PDE8B: variants seen among roughly 807,000 people sequenced by gnomAD.
PDE8B encodes phosphodiesterase 8B, also known as high affinity cAMP-specific and IBMX-insensitive 3',5'-cyclic phosphodiesterase 8B.
Under a neutral mutation model 101.3 loss-of-function variants are expected in PDE8B, and 26 were observed. The ratio of observed to expected loss-of-function variants is 0.26; its 90% CI spans 0.19 to 0.36. The LOEUF is 0.36. PDE8B is among the 10% of genes least tolerant of loss of function. The probability of loss-of-function intolerance (pLI) is 1.00; values close to 1 mark genes in which losing one functional copy is unlikely to be tolerated. For synonymous variants in PDE8B, 424 were observed against 429.3 expected (o/e 0.99, Z 0.15); for missense variants, 810 against 1,163.1 (o/e 0.70, Z 4.42).
intron 10 of PDE8B, among the ~76,000 whole-genome samples, chr5:77,399,691 A>G (rs1791838814): frequency 6.6e-6 from 1 of 152,224 alleles, no homozygotes; most frequent in Admixed American, 6.5e-5. Context: ...AACCATTAAC[A>G]ACAAAAAAAA....
chr5:77,211,298 C>T lies in PDE8B; in HGVS notation c.339+34C>T, dbSNP rs1561350516. 3 of 1,516,196 alleles carry T rather than the reference C, an allele frequency of 2.0e-6. No individual in the cohort carries two copies. The highest frequency in any genetic ancestry group is 1.2e-5 in the South Asian group (1 of 82,264). The allele number at this position is 1,516,196 out of a possible 1,614,324, so 93.9% of individuals were successfully genotyped here. On this transcript the variant is annotated intron_variant, in intron 1 of 21. Transcript: ENST00000264917. This position sits in a 1 kb window ranked among gnomAD's most constrained non-coding sequence, Gnocchi z 4.1. ...CCCGCGCTGGCACACGCCGTGGGGG[C>T]CGTCCGCCCCGTCGGCGGGGCTCGC...
the PDE8B span, among the ~76,000 whole-genome samples, chr5:77,193,252 A>G: frequency 1.3e-5 from 2 of 152,062 alleles, no homozygotes; most frequent in African/African-American, 2.4e-5. Flanking sequence ...GCCTACCTCA[A>G]TTTCACAAAG....
chr5:77,116,342 C>T, the PDE8B span, among the ~76,000 whole-genome samples: 1 of 150,788 alleles, frequency 6.6e-6, no homozygotes, highest in Non-Finnish European at 1.5e-5. Context: ...AACAATTCTC[C>T]TGCCTCAGCC....
At chr5:77,275,589 T>C (rs1763695586) in intron 1 of PDE8B, among the ~76,000 whole-genome samples, 1 of 152,182 alleles carries the variant, frequency 6.6e-6, no homozygotes, top group Admixed American at 6.5e-5. Context: ...TCAACTAAAA[T>C]ACAACCAAAG....
At position 77,211,247 on chromosome 5, in the gene PDE8B, T is replaced by G. The variant is rs767958162; in HGVS notation, c.322T>G (p.Cys108Gly). The change falls in exon 1 of 22, where the codon TGC (cysteine) becomes GGC (glycine). Residue 108 changes from cysteine (C) to glycine (G), a missense_variant. By Grantham distance (159) the Cys-to-Gly change is radical. This residue lies in a region of PDE8B where 251 missense variants were observed against 378.8 expected (regional missense o/e 0.66). Transcript: ENST00000264917. The surrounding 1 kb of genome is among the most constrained non-coding windows in gnomAD (Gnocchi z 4.1). ...CAGCGCCGAGGCCGAGACTCAGACC[T>G]GCTACACCAGCGTGAAGGTAAATGC... ...CSSAEAETQT[C>G]YTSVKQVSSA... 6.3e-7 allele frequency: 1 copy of G among 1,575,740 alleles called. No individual in the cohort carries two copies. Among genetic ancestry groups the G allele is most frequent in the Non-Finnish European group, 8.6e-7 (1 of 1,169,204 alleles).
intron 20 of PDE8B, among the ~76,000 whole-genome samples, chr5:77,425,036 A>G (rs752405665): frequency 2.0e-5 from 3 of 152,188 alleles, no homozygotes; most frequent in South Asian, 4.1e-4. Flanking sequence ...TAATATAATG[A>G]CTATGGCTAT....
the PDE8B span, among the ~76,000 whole-genome samples, chr5:77,122,059 C>T: frequency 1.3e-5 from 2 of 152,238 alleles, no homozygotes; most frequent in African/African-American, 4.8e-5. Flanking sequence ...TAGTACTTGT[C>T]ATCTCCATTT....
At chr5:77,206,615 T>C (rs1580305763), upstream of PDE8B, among the ~76,000 whole-genome samples, 2 of 152,182 alleles carry the variant, frequency 1.3e-5, no homozygotes, top group African/African-American at 4.8e-5. Context: ...GCTGGAGCAG[T>C]GAGGGTGGGC....
intron 20 of PDE8B, among the ~76,000 whole-genome samples, chr5:77,422,635 TAAAGG>T (rs769192345): frequency 6.6e-5 from 10 of 152,050 alleles, no homozygotes; most frequent in African/African-American, 1.7e-4. Context: ...TGTAGAGAGT[TAAAGG>T]AGAGAAATCT....
chr5:77,403,581 G>A (rs1489564334), intron 11 of PDE8B, among the ~76,000 whole-genome samples: 4 of 151,824 alleles, frequency 2.6e-5, no homozygotes, highest in East Asian at 3.9e-4. Flanking sequence ...AAGATTTAAA[G>A]TACTATTATT....
intron 10 of PDE8B, among the ~76,000 whole-genome samples, chr5:77,399,749 C>A (rs981345745): frequency 6.6e-6 from 1 of 152,152 alleles, no homozygotes; most frequent in Non-Finnish European, 1.5e-5. Context: ...AAGTTCAGAT[C>A]TCATCGTGAG....
the PDE8B span, among the ~76,000 whole-genome samples, chr5:77,165,094 G>A: frequency 7.9e-5 from 12 of 152,148 alleles, no homozygotes; most frequent in Non-Finnish European, 1.5e-4. Context: ...AGCTACCAGC[G>A]TGATGTCACT....
chr5:77,275,721 T>C (rs1308416405), intron 1 of PDE8B, among the ~76,000 whole-genome samples: 1 of 152,222 alleles, frequency 6.6e-6, no homozygotes, highest in Non-Finnish European at 1.5e-5. Context: ...TTGTGAGAAA[T>C]TGTTATGAGG....
chr5:77,242,184 G>A (rs925573278), intron 1 of PDE8B, among the ~76,000 whole-genome samples: 2 of 152,206 alleles, frequency 1.3e-5, no homozygotes, highest in African/African-American at 4.8e-5. Context: ...AGCCAGAAAT[G>A]GAAGAACTAC....
At chr5:77,204,586 T>C in the PDE8B span, among the ~76,000 whole-genome samples, 1 of 152,136 alleles carries the variant, frequency 6.6e-6, no homozygotes, top group Non-Finnish European at 1.5e-5. Flanking sequence ...TCCACCTTCA[T>C]TTCTTTTTTC....
Position 77,321,785 on chromosome 5 carries a change from T to G in PDE8B, c.400-3754T>G, listed in dbSNP as rs557919863. On this transcript the variant is annotated intron_variant, in intron 2 of 21. Coordinates refer to ENST00000264917, the MANE Select transcript of PDE8B (RefSeq NM_003719.5). ...TATAAATAGGAAAAAATTTAAATAT[T>G]AGCCAAAGAAATTCTCTCCTGAGTG... is the stretch of plus-strand genomic sequence containing the variant. Among the ~76,000 whole-genome samples the G allele has an allele frequency of 2.0e-5, 3 of 152,352 alleles. No homozygotes were observed. The South Asian group carries it at 6.2e-4, about 32-fold the overall frequency.
chr5:77,176,278 C>T, the PDE8B span, among the ~76,000 whole-genome samples: 19 of 152,184 alleles, frequency 1.2e-4, no homozygotes, highest in African/African-American at 4.3e-4. Flanking sequence ...TTTTGTTGCC[C>T]TTTTCCATCA....
At chr5:77,381,676 ATTG>A (rs891240303) in intron 10 of PDE8B, among the ~76,000 whole-genome samples, 1 of 152,032 alleles carries the variant, frequency 6.6e-6, no homozygotes, top group African/African-American at 2.4e-5. Context: ...ATGTTTTCAT[ATTG>A]TTTTTAGGGT....
intron 1 of PDE8B, among the ~76,000 whole-genome samples, chr5:77,214,920 C>T (rs1452863597): frequency 1.3e-5 from 2 of 152,188 alleles, no homozygotes; most frequent in East Asian, 3.9e-4. Context: ...CTGCTTTTTA[C>T]AGTGGTGAAT....
Sources: gnomAD v4.1 joint callset for allele counts (sites outside exome capture counted in the v4.1 genomes callset) on GRCh38, gnomAD v4.1.1 for gene constraint, gnomAD v4.1.1 regional missense constraint, Gnocchi (gnomAD v3.1) non-coding constraint, MANE v1.5 for transcripts, NCBI Gene and HGNC (gene_info 2026-07-23, HGNC 2026-07-21) for gene names.